Variants in NID2 observed in about 807,000 individuals in gnomAD.
NID2 encodes the protein nidogen-2.
In NID2, 83 loss-of-function variants were observed where a neutral mutation model predicts 145.4. That is an observed-to-expected ratio of 0.57 (90% CI 0.48 to 0.69). The LOEUF (loss-of-function observed/expected upper bound fraction) is 0.69, where lower values mean the gene tolerates loss of function less well. Ranked by LOEUF, NID2 falls within the 30% of genes least tolerant of loss-of-function variation. NID2 has a pLI of 0.00. For missense variants in NID2, 1,807 were observed against 1,765.7 expected (o/e 1.02, Z -0.42); for synonymous variants, 739 against 701.3 (o/e 1.05, Z -0.85).
At chr14:52,026,083 G>A (rs1454151374) in intron 12 of NID2, among the ~76,000 whole-genome samples, 1 of 152,178 alleles carries the variant, frequency 6.6e-6, no homozygotes, top group African/African-American at 2.4e-5. Context: ...AGAGAGAAGT[G>A]GAGGGCTGAG....
At position 52,006,658 on chromosome 14, in the gene NID2, T is replaced by C; in HGVS notation, c.3883A>G (p.Thr1295Ala). The change falls in exon 20 of 22, where the codon ACC becomes GCC. Residue 1295 changes from threonine to alanine, a missense_variant and splice_region_variant. Thr to Ala is a moderately conservative substitution (Grantham distance 58). Transcript: ENST00000216286. ...SKLLCWADAG[T>A]KKLECTLPDG... ...GGTAGTGTACACTCCAGTTTTTTGGTTCCTTTTAAAACAAAGGGGGAAAAT... is the reference window on the plus strand; with the variant it reads ...GGTAGTGTACACTCCAGTTTTTTGGCTCCTTTTAAAACAAAGGGGGAAAAT... 1 of 1,613,350 alleles carries C rather than the reference T, an allele frequency of 6.2e-7. No homozygotes were observed. Among genetic ancestry groups the C allele is most frequent in the Non-Finnish European group, 8.5e-7 (1 of 1,179,464 alleles).
In NID2 at chr14:52,042,214, G is replaced by A. The variant is rs1418735853; in HGVS notation, c.1716C>T (p.Ile572=). The A allele has an allele frequency of 6.2e-7, 1 of 1,614,256 alleles. No individual in the cohort carries two copies. Among genetic ancestry groups the A allele is most frequent in the Non-Finnish European group, 8.5e-7 (1 of 1,180,046 alleles). The change falls in exon 7 of 22, where the codon ATC becomes ATT. Residue 572 remains isoleucine, a synonymous_variant. Coordinates refer to ENST00000216286, the MANE Select transcript of NID2 (RefSeq NM_007361.4). ...GGAGGGCCTGGGCTGCTGGCTGTGG[G>A]ATGTGGCTGATGGCCGTGTAGGCTC... ...DGRAYTAISH[I]PQPAAQALLP...
chr14:52,049,879 G>T (rs1391623346), intron 5 of NID2, among the ~76,000 whole-genome samples: 2 of 152,080 alleles, frequency 1.3e-5, no homozygotes, highest in Non-Finnish European at 2.9e-5. Context: ...GTCTTCACAG[G>T]CATCGGGGGG....
chr14:52,015,138 C>A lies in NID2; in HGVS notation c.3166G>T (p.Gly1056Ter). ...ACACACCAGCAGAAGTCGCTCTTTCCGTGGCACTGCAGGGGGATGAAGTGG... is the reference window on the plus strand; with the variant it reads ...ACACACCAGCAGAAGTCGCTCTTTCAGTGGCACTGCAGGGGGATGAAGTGG... Reference protein sequence around the residue: ...LGHFIPLQCHGKSDFCWCVDK... With the variant: ...LGHFIPLQCH The change falls in exon 15 of 22, where the codon GGA becomes TGA. Residue 1056 changes from glycine to a stop codon, truncating the protein, a stop_gained. Coordinates refer to ENST00000216286, the MANE Select transcript of NID2 (RefSeq NM_007361.4). LOFTEE classifies it high-confidence loss of function. 1 of 1,614,102 alleles carries A rather than the reference C, an allele frequency of 6.2e-7. No homozygotes were observed. The highest frequency in any genetic ancestry group is 8.5e-7 in the Non-Finnish European group (1 of 1,180,028).
intron 5 of NID2, among the ~76,000 whole-genome samples, chr14:52,044,036 G>A (rs1044200465): frequency 1.3e-5 from 2 of 152,110 alleles, no homozygotes; most frequent in Non-Finnish European, 2.9e-5. Flanking sequence ...AAACCAAGTG[G>A]TAGTTGTGTT....
intron 9 of NID2, among the ~76,000 whole-genome samples, chr14:52,031,836 A>C (rs774093266): frequency 2.0e-5 from 3 of 152,250 alleles, no homozygotes; most frequent in Non-Finnish European, 4.4e-5. Context: ...CTGAGCCTTC[A>C]ATGAGGACAT....
At position 52,015,136 on chromosome 14, in the gene NID2, T is replaced by C. The variant is rs1238804755; in HGVS notation, c.3168A>G (p.Gly1056=). 3.1e-6 allele frequency: 5 copies of C among 1,613,952 alleles called. No individual in the cohort carries two copies. The highest frequency in any genetic ancestry group is 4.2e-6 in the Non-Finnish European group (5 of 1,180,030). ...LGHFIPLQCH[G]KSDFCWCVDK... is the part of the protein sequence containing the mutation. ...CCACACACCAGCAGAAGTCGCTCTT[T>C]CCGTGGCACTGCAGGGGGATGAAGT... Residue 1056 remains glycine (G), a synonymous_variant, in exon 15 of 22, where the codon GGA becomes GGG. Coordinates refer to ENST00000216286, the MANE Select transcript of NID2 (RefSeq NM_007361.4).
rs1476285 is a variant in NID2 at position 52,006,468 on chromosome 14, G to T, written c.4004+69C>A. ...GAGTCAAGTCAGGTACTGACTTTTG[G>T]TAAAACAAGTGGTGTGTCCTCTGGA... is the stretch of plus-strand genomic sequence containing the variant. On this transcript the variant is annotated intron_variant, in intron 20 of 21. Transcript: ENST00000216286. 4.2e-3 allele frequency: 6,674 copies of T among 1,581,012 alleles called. 226 individuals carry two copies. The African/African-American group carries it at 0.079, about 19-fold the overall frequency.
chr14:52,014,397 G>A lies in NID2; in HGVS notation c.3310C>T (p.Pro1104Ser), dbSNP rs1891138892. The change falls in exon 16 of 22, where the codon CCA becomes TCA. Residue 1104 changes from proline (P) to serine (S), a missense_variant. Transcript: ENST00000216286. ...TAGAGCAGGAAGGTGCCCACAGATG[G>A]AGGGGTCACATCTGGCCGGGGCGTG... Reference protein sequence around the residue: ...RPTPRPDVTPPSVGTFLLYTQ... With the variant: ...RPTPRPDVTPSSVGTFLLYTQ... 1 of 1,614,230 alleles carries A rather than the reference G, an allele frequency of 6.2e-7. No homozygotes were observed. The highest frequency in any genetic ancestry group is 8.5e-7 in the Non-Finnish European group (1 of 1,180,030).
chr14:52,026,758 A>G (rs1362170224), intron 12 of NID2, among the ~76,000 whole-genome samples: 1 of 152,222 alleles, frequency 6.6e-6, no homozygotes, highest in Non-Finnish European at 1.5e-5. Context: ...GTCTTTTTAT[A>G]TATGTGGAGT....
At chr14:52,063,224 G>A (rs900617716) in intron 2 of NID2, among the ~76,000 whole-genome samples, 3 of 152,198 alleles carry the variant, frequency 2.0e-5, no homozygotes, top group Admixed American at 6.5e-5. Flanking sequence ...AGCCGCACAG[G>A]CTCTGTCTCC....
intron 9 of NID2, among the ~76,000 whole-genome samples, chr14:52,034,133 G>A (rs1198264679): frequency 2.0e-5 from 3 of 152,106 alleles, no homozygotes; most frequent in Admixed American, 2.0e-4. Context: ...TTATTTGACT[G>A]GGGTGGGAGG....
In NID2 at chr14:52,067,966, A is replaced by T. The variant is rs372586128; in HGVS notation, c.426T>A (p.Ala142=). 6.2e-7 allele frequency: 1 copy of T among 1,611,322 alleles called. No individual in the cohort carries two copies. Among genetic ancestry groups the T allele is most frequent in the South Asian group, 1.1e-5 (1 of 90,884 alleles). ...TAAAGCGCGCAGAGCGCGGGAAGCC[A>T]GCGCGCACATAGCGGGCGGCCAGGC... ...VLGLAARYVR[A]GFPRSARFTP... is the part of the protein sequence containing the mutation. Residue 142 remains alanine, a synonymous_variant, in exon 2 of 22, where the codon GCT becomes GCA. Coordinates refer to ENST00000216286, the MANE Select transcript of NID2 (RefSeq NM_007361.4).
intron 2 of NID2, among the ~76,000 whole-genome samples, chr14:52,065,456 CTTTT>C (rs59908743): frequency 4.7e-5 from 6 of 128,678 alleles, no homozygotes; most frequent in Non-Finnish European, 8.3e-5. Flanking sequence ...ATCCTCCTTT[CTTTT>C]TTTTTTTTTT....
chr14:52,014,478 A>G (rs757921600), intron 15 of NID2, 22 bp from the exon 16 acceptor site: 6 of 1,588,118 alleles, frequency 3.8e-6, no homozygotes, highest in East Asian at 4.5e-5. Context: ...AGGGTGGGAG[A>G]GCAGGAAGGG....
chr14:52,027,726 CT>C (rs59253416), intron 11 of NID2, among the ~76,000 whole-genome samples: 1,484 of 136,392 alleles, frequency 0.011, 10 homozygotes, highest in Middle Eastern at 0.031. Context: ...CATTTTCTTT[CT>C]TTTTTTTTTT....
chr14:52,007,382 G>C (rs1284947745), intron 19 of NID2: 1 of 186,870 alleles, frequency 5.4e-6, no homozygotes, highest in African/African-American at 2.4e-5. Context: ...AACAAATGTA[G>C]GTTGCTAATA....
At chr14:52,010,754 G>T in intron 18 of NID2, 122 bp downstream of exon 18, 1 of 942,668 alleles carries the variant, frequency 1.1e-6, no homozygotes, top group Non-Finnish European at 1.6e-6. Flanking sequence ...GTAAATCTTT[G>T]TTACATGAAT....
At chr14:52,018,053 G>C (rs534748246) in intron 14 of NID2, among the ~76,000 whole-genome samples, 1 of 152,104 alleles carries the variant, frequency 6.6e-6, no homozygotes, top group Non-Finnish European at 1.5e-5. Context: ...TCTTGACCTC[G>C]TGATCCACCC....
Sources: gnomAD v4.1 joint callset for allele counts (sites outside exome capture counted in the v4.1 genomes callset) on GRCh38, gnomAD v4.1.1 for gene constraint, MANE v1.5 for transcripts, NCBI Gene and HGNC (gene_info 2026-07-23, HGNC 2026-07-21) for gene names.